GALNT16: variants seen among roughly 807,000 people sequenced by gnomAD.
GALNT16 encodes the protein UDP-GalNAc:polypeptide N-acetylgalactosaminyltransferase-like protein 1.
A neutral mutation model predicts 76.1 loss-of-function variants in GALNT16; 40 were observed. The observed-to-expected ratio is 0.53, with a 90% CI of 0.41 to 0.68. GALNT16 has a LOEUF of 0.68. GALNT16 is among the 30% of genes least tolerant of loss of function. GALNT16 has a pLI of 0.00. For missense variants in GALNT16, 621 were observed against 731.9 expected, an observed-to-expected ratio of 0.85 and a Z score of 1.75; for synonymous variants, 276 against 285.2, an observed-to-expected ratio of 0.97 and a Z score of 0.32.
intron 1 of GALNT16, among the ~76,000 whole-genome samples, chr14:69,290,746 A>G (rs2044678162): frequency 6.6e-6 from 1 of 152,210 alleles, no homozygotes; most frequent in Non-Finnish European, 1.5e-5. Flanking sequence ...GGTCTCAGAA[A>G]ATTACCAGCC....
chr14:69,355,287 A>C (rs1014720839), downstream of GALNT16: 1 of 152,260 alleles, frequency 6.6e-6, no homozygotes, highest in Non-Finnish European at 1.5e-5. Context: ...CTGGCTGCAG[A>C]GAATACACCT....
intron 11 of GALNT16, among the ~76,000 whole-genome samples, chr14:69,340,486 ATT>A (rs71102646): frequency 6.8e-4 from 100 of 146,850 alleles, no homozygotes; most frequent in African/African-American, 9.0e-4. Flanking sequence ...ACCTTGTGGA[ATT>A]TTTTTTTTTT....
intron 1 of GALNT16, among the ~76,000 whole-genome samples, chr14:69,307,063 C>T (rs148427491): frequency 3.3e-5 from 5 of 152,282 alleles, no homozygotes; most frequent in Admixed American, 1.3e-4. Flanking sequence ...ATGCACTTGG[C>T]GGGAACTACC....
rs755359760 is a variant in GALNT16, at chr14:69,331,529, A to G, written c.756A>G (p.Ala252=). ...GTCTGGATAATTTTGCCTACCTTGC[A>G]GCATCTGCTGACCTTCGTGGAGGTG... The part of the protein sequence containing the change: ...VISLDNFAYL[A]ASADLRGGFD... Residue 252 remains alanine, a synonymous_variant, in exon 7 of 15, where the codon GCA becomes GCG. Transcript: ENST00000448469. 25 of 1,605,532 alleles carry G rather than the reference A, an allele frequency of 1.6e-5. No individual in the cohort carries two copies. The highest frequency in any genetic ancestry group is 2.0e-5 in the Non-Finnish European group (24 of 1,172,224).
intron 1 of GALNT16, among the ~76,000 whole-genome samples, chr14:69,262,455 A>G (rs1277090980): frequency 6.6e-6 from 1 of 152,242 alleles, no homozygotes; most frequent in Non-Finnish European, 1.5e-5. Flanking sequence ...GAGAATCACC[A>G]GTAAACATCC....
At chr14:69,267,196 C>T (rs2044351624) in intron 1 of GALNT16, among the ~76,000 whole-genome samples, 1 of 152,196 alleles carries the variant, frequency 6.6e-6, no homozygotes, top group Non-Finnish European at 1.5e-5. Flanking sequence ...GCCTGTCTCC[C>T]CACACCCCTA....
chr14:69,267,612 G>A (rs1424000627), intron 1 of GALNT16, among the ~76,000 whole-genome samples: 1 of 152,214 alleles, frequency 6.6e-6, no homozygotes, highest in Non-Finnish European at 1.5e-5. Context: ...TGGCCCCTAG[G>A]TGGGCCAGGC....
intron 1 of GALNT16, among the ~76,000 whole-genome samples, chr14:69,302,192 G>C (rs188571016): frequency 6.6e-6 from 1 of 152,226 alleles, no homozygotes; most frequent in African/African-American, 2.4e-5. Context: ...ATCTGAGAAG[G>C]TAGATATTTT....
chr14:69,294,981 A>AT (rs1168231670), intron 1 of GALNT16, among the ~76,000 whole-genome samples: 1 of 152,080 alleles, frequency 6.6e-6, no homozygotes. Context: ...TATGCCTCAT[A>AT]TTTTTTCATT....
Position 69,322,923 on chromosome 14 carries a change from GGGGTGTGTGTGTGTGTGTGTGT to G in GALNT16, c.336-1767_336-1746del, listed in dbSNP as rs1375415550. Reference sequence around the variant, plus strand: ...AAAAAAGAAAGCTGAGGTGGCTCACGGGGTGTGTGTGTGTGTGTGTGTGTGTGTGTGTGTGTGTGTGTGTGTG... The same window carrying G: ...AAAAAAGAAAGCTGAGGTGGCTCACGGTGTGTGTGTGTGTGTGTGTGTGTG... On this transcript the variant is annotated intron_variant, in intron 2 of 14. Coordinates refer to ENST00000448469, the MANE Select transcript of GALNT16 (RefSeq NM_001168368.2). 1.9e-3 allele frequency among the ~76,000 whole-genome samples: 205 copies of G among 105,150 alleles called. 9 individuals are homozygous for G. The East Asian group carries it at 0.042, about 22-fold the overall frequency. 69.0% of individuals were successfully genotyped at this position (105,150 alleles called of 152,430 possible). A position where few individuals can be genotyped will look rare whatever the true frequency, so the allele number is the denominator to read the frequency against.
intron 1 of GALNT16, among the ~76,000 whole-genome samples, chr14:69,262,883 C>T (rs7493030): frequency 7.2e-6 from 1 of 138,910 alleles, no homozygotes. Context: ...TTCTTTTTTT[C>T]TTTTTTTTTT....
At chr14:69,298,634 G>A (rs535789986) in intron 1 of GALNT16, 9 of 152,404 alleles carry the variant, frequency 5.9e-5, no homozygotes, top group East Asian at 1.9e-4. Flanking sequence ...TAGCTGGAGC[G>A]GAAGGCTGGC....
intron 11 of GALNT16, among the ~76,000 whole-genome samples, chr14:69,340,554 G>A (rs2045473269): frequency 6.6e-6 from 1 of 151,710 alleles, no homozygotes; most frequent in Non-Finnish European, 1.5e-5. Flanking sequence ...GCACAATCTA[G>A]GCTCACTGCA....
At chr14:69,376,126 TCTTGGGCTCATTTGATCCTC>T in the GALNT16 span, among the ~76,000 whole-genome samples, 2 of 152,078 alleles carry the variant, frequency 1.3e-5, no homozygotes, top group African/African-American at 4.8e-5. Flanking sequence ...AGCCTCCAAC[TCTTGGGCTCATTTGATCCTC>T]CTGCCTTGGC....
chr14:69,346,959 A>G, intron 12 of GALNT16, 81 bp from the exon 13 acceptor site: 1 of 1,568,374 alleles, frequency 6.4e-7, no homozygotes, highest in South Asian at 1.1e-5. Context: ...CCCAGAGCTG[A>G]TAGGATGCTG....
intron 12 of GALNT16, among the ~76,000 whole-genome samples, chr14:69,345,021 G>A (rs1347955551): frequency 4.6e-5 from 7 of 152,154 alleles, no homozygotes; most frequent in Admixed American, 4.6e-4. Context: ...TGGGGACTGG[G>A]GCAAAGTGCG....
At chr14:69,291,360 A>G (rs1424644520) in intron 1 of GALNT16, among the ~76,000 whole-genome samples, 2 of 152,118 alleles carry the variant, frequency 1.3e-5, no homozygotes, top group Non-Finnish European at 2.9e-5. Flanking sequence ...CTCTTATCTA[A>G]TAAGCCCCCC....
intron 1 of GALNT16, among the ~76,000 whole-genome samples, chr14:69,293,976 T>C (rs557099244): frequency 2.0e-5 from 3 of 151,170 alleles, no homozygotes; most frequent in African/African-American, 7.3e-5. Flanking sequence ...CTGCAACCTC[T>C]GCCTCCCAGG....
At chr14:69,270,939 C>A (rs1459581387) in intron 1 of GALNT16, among the ~76,000 whole-genome samples, 1 of 100,328 alleles carries the variant, frequency 1.0e-5, no homozygotes, top group Non-Finnish European at 1.8e-5. Flanking sequence ...AATACCGCAC[C>A]AACCTAGAGG....
Sources: allele counts gnomAD v4.1 joint callset (sites outside exome capture counted in the v4.1 genomes callset), GRCh38; gene constraint gnomAD v4.1.1; transcripts MANE v1.5; gene names NCBI Gene and HGNC (gene_info 2026-07-23, HGNC 2026-07-21).